The following RASL12 variants were observed in gnomAD, a reference collection of about 807,000 sequenced individuals.
The protein encoded by RASL12 is ras-like protein family member 12.
In RASL12, 16 loss-of-function variants were observed where a neutral mutation model predicts 22.9. The ratio of observed to expected loss-of-function variants is 0.70; its 90% CI spans 0.47 to 1.06. RASL12 has a LOEUF of 1.06. Among genes scored for constraint, RASL12 ranks in the 50% least tolerant of loss-of-function variants. The pLI is 0.00. For missense variants in RASL12, 306 were observed against 353.1 expected, an observed-to-expected ratio of 0.87 and a Z score of 1.07; for synonymous variants, 159 against 152.2, an observed-to-expected ratio of 1.04 and a Z score of -0.33.
chr15:65,048,955 A>T (rs540621998), downstream of RASL12, among the ~76,000 whole-genome samples: 36 of 148,586 alleles, frequency 2.4e-4, 1 homozygote, highest in Middle Eastern at 3.4e-3. Context: ...GGTTGCAGTG[A>T]GCAGAGATCG....
At chr15:65,050,449 C>A (rs1160364300), downstream of RASL12, among the ~76,000 whole-genome samples, 9 of 152,192 alleles carry the variant, frequency 5.9e-5, no homozygotes, top group African/African-American at 2.2e-4. Context: ...AAATAAACAA[C>A]TAAAACGCAT....
At chr15:65,074,121 A>G (rs2086949353) in intron 1 of RASL12, among the ~76,000 whole-genome samples, 1 of 137,448 alleles carries the variant, frequency 7.3e-6, no homozygotes, top group African/African-American at 2.8e-5. Context: ...ACTGGCTCAG[A>G]GTCAGAGTCA....
intron 1 of RASL12, among the ~76,000 whole-genome samples, chr15:65,066,135 G>GA (rs571504253): frequency 3.6e-5 from 5 of 137,414 alleles, no homozygotes; most frequent in Admixed American, 7.6e-5. Flanking sequence ...AAAGAAGAAA[G>GA]AAAAAAAAGA....
At chr15:65,074,551 C>A (rs535788514) in intron 1 of RASL12, among the ~76,000 whole-genome samples, 10 of 152,218 alleles carry the variant, frequency 6.6e-5, no homozygotes, top group Admixed American at 1.3e-4. Context: ...CGTGCCACCA[C>A]GCCCGGCTAA....
downstream of RASL12, among the ~76,000 whole-genome samples, chr15:65,050,853 T>TG (rs2086644025): frequency 1.4e-5 from 2 of 144,212 alleles, no homozygotes; most frequent in South Asian, 4.5e-4. Flanking sequence ...TTTTTTTTTT[T>TG]GCCTTTTTTT....
chr15:65,054,932 G>C lies in RASL12; in HGVS notation c.768C>G (p.Thr256=). The C allele has an allele frequency of 1.9e-6, 3 of 1,614,166 alleles. No individual in the cohort carries two copies. Among genetic ancestry groups the C allele is most frequent in the Non-Finnish European group, 1.7e-6 (2 of 1,180,020 alleles). The change falls in exon 5 of 5, where the codon ACC becomes ACG. Residue 256 remains threonine, a synonymous_variant. Transcript: ENST00000220062. Reference sequence around the variant, plus strand: ...TCTTGAAGCCCTTCAGGAGAGTCAGGGTAGGCGCCTTGCGCTTGCTCTGGG... The same window carrying C: ...TCTTGAAGCCCTTCAGGAGAGTCAGCGTAGGCGCCTTGCGCTTGCTCTGGG... ...SRAQSKRKAP[T]LTLLKGFKIF
At chr15:65,074,720 G>A (rs1422545428) in intron 1 of RASL12, among the ~76,000 whole-genome samples, 4 of 152,218 alleles carry the variant, frequency 2.6e-5, no homozygotes, top group Non-Finnish European at 5.9e-5. Context: ...TGGAACATGA[G>A]GAACGGTTAG....
At chr15:65,067,380 G>A (rs931967996) in intron 1 of RASL12, among the ~76,000 whole-genome samples, 6 of 152,042 alleles carry the variant, frequency 3.9e-5, no homozygotes, top group Admixed American at 3.9e-4. Context: ...GGGGTTGGAA[G>A]GTTGGTGGCA....
intron 2 of RASL12, 53 bp from the exon 3 acceptor site, chr15:65,059,471 G>A: frequency 2.1e-6 from 3 of 1,433,628 alleles, no homozygotes; most frequent in Non-Finnish European, 2.9e-6. Context: ...GTGTAAGTTT[G>A]AGCTTCCCTC....
At chr15:65,058,768 T>G in intron 3 of RASL12, 151 bp from the exon 4 acceptor site, 1 of 585,866 alleles carries the variant, frequency 1.7e-6, no homozygotes, top group Non-Finnish European at 2.8e-6. Context: ...AGTGTGGATT[T>G]GGCTTGGTGT....
chr15:65,056,763 C>T (rs1390635100), intron 4 of RASL12, among the ~76,000 whole-genome samples: 2 of 152,168 alleles, frequency 1.3e-5, no homozygotes, highest in Non-Finnish European at 2.9e-5. Flanking sequence ...AAAAGTTAGA[C>T]TTCCTGTGCT....
chr15:65,050,482 A>C (rs970364333), downstream of RASL12, among the ~76,000 whole-genome samples: 1 of 152,264 alleles, frequency 6.6e-6, no homozygotes, highest in African/African-American at 2.4e-5. Flanking sequence ...ATGAGTAATA[A>C]AAAGAAAAAT....
intron 2 of RASL12, among the ~76,000 whole-genome samples, chr15:65,061,980 C>G (rs1257199963): frequency 1.3e-5 from 2 of 151,114 alleles, no homozygotes; most frequent in African/African-American, 4.9e-5. Flanking sequence ...ACTCGGGAGG[C>G]TGAGGCAGGA....
chr15:65,061,579 T>C (rs1371220784), intron 2 of RASL12, among the ~76,000 whole-genome samples: 1 of 152,208 alleles, frequency 6.6e-6, no homozygotes, highest in Non-Finnish European at 1.5e-5. Context: ...TCCTTAAATA[T>C]ATGGGTTTCC....
chr15:65,051,499 G>C (rs371669975), downstream of RASL12: 73 of 1,612,694 alleles, frequency 4.5e-5, no homozygotes, highest in Non-Finnish European at 6.0e-5. Context: ...GCTCTGTCCT[G>C]TGTGTCCTTC....
chr15:65,053,290 T>C (rs774395496), downstream of RASL12: 95 of 1,434,316 alleles, frequency 6.6e-5, no homozygotes, highest in East Asian at 9.9e-4. Flanking sequence ...TTCTTTCTTT[T>C]TTTTTTTCTT....
At chr15:65,047,725 T>C in the RASL12 span, among the ~76,000 whole-genome samples, 1 of 152,196 alleles carries the variant, frequency 6.6e-6, no homozygotes, top group Non-Finnish European at 1.5e-5. Flanking sequence ...GCCATTCTTG[T>C]AACTTTGTCT....
chr15:65,060,767 A>G (rs2086793378), intron 2 of RASL12, among the ~76,000 whole-genome samples: 3 of 152,108 alleles, frequency 2.0e-5, no homozygotes, highest in South Asian at 4.2e-4. Context: ...CACGCCCCCA[A>G]CCCTGGCTGA....
chr15:65,071,545 C>T (rs551438902), upstream of RASL12, among the ~76,000 whole-genome samples: 148 of 152,244 alleles, frequency 9.7e-4, no homozygotes, highest in African/African-American at 3.4e-3. Context: ...CTTGGATGAC[C>T]GTCTCCCCAC....
Sources: allele counts gnomAD v4.1 joint callset (sites outside exome capture counted in the v4.1 genomes callset), GRCh38; gene constraint gnomAD v4.1.1; transcripts MANE v1.5; gene names NCBI Gene and HGNC (gene_info 2026-07-23, HGNC 2026-07-21).